The following TMEM232 variants were observed in gnomAD, a reference collection of about 807,000 sequenced individuals.
TMEM232 encodes transmembrane protein 232.
TMEM232 carries 80 observed loss-of-function variants against 78.8 expected under a neutral mutation model. The observed-to-expected ratio is 1.01, with a 90% CI of 0.85 to 1.22. The LOEUF (loss-of-function observed/expected upper bound fraction) is 1.22, where lower values mean the gene tolerates loss of function less well. Ranked by LOEUF, TMEM232 falls within the 50% of genes most tolerant of loss-of-function variation. The pLI, the probability that TMEM232 is intolerant of heterozygous loss-of-function variation, is 0.00. For synonymous variants in TMEM232, 297 were observed against 254.3 expected, an observed-to-expected ratio of 1.17 and a Z score of -1.60; for missense variants, 881 against 742.2, an observed-to-expected ratio of 1.19 and a Z score of -2.17.
At chr5:110,707,688 A>C (rs1478236262) in intron 1 of TMEM232, among the ~76,000 whole-genome samples, 5 of 152,218 alleles carry the variant, frequency 3.3e-5, no homozygotes, top group Non-Finnish European at 7.3e-5. Flanking sequence ...GGGCAGCTAA[A>C]AGGAATGCTT....
rs184855108 is a variant in TMEM232, at chr5:110,520,412, A to G, written c.1703+8176T>C. Among the ~76,000 whole-genome samples, 418 of 152,258 alleles carry G rather than the reference A, an allele frequency of 2.7e-3. 2 individuals are homozygous for G. Among genetic ancestry groups the G allele is most frequent in the African/African-American group, 9.8e-3 (408 of 41,552 alleles). On this transcript the variant is annotated intron_variant, in intron 12 of 13. Transcript: ENST00000455884. ...AACACAGAAAAAAAAGAAAACTTCC[A>G]AAGAATAACAATGATAGCAAAACGT...
chr5:110,407,425 A>T (rs1340276630), intron 2 of TMEM232, among the ~76,000 whole-genome samples: 1 of 152,186 alleles, frequency 6.6e-6, no homozygotes, highest in African/African-American at 2.4e-5. Context: ...ATGATTATAA[A>T]GAGACAAATT....
At chr5:110,425,160 C>T (rs1757099526) in intron 12 of TMEM232, among the ~76,000 whole-genome samples, 1 of 152,036 alleles carries the variant, frequency 6.6e-6, no homozygotes, top group African/African-American at 2.4e-5. Flanking sequence ...TATCCCCATA[C>T]ACAGCTCCAC....
At chr5:110,481,976 C>T (rs565742670) in intron 12 of TMEM232, among the ~76,000 whole-genome samples, 1 of 152,070 alleles carries the variant, frequency 6.6e-6, no homozygotes, top group African/African-American at 2.4e-5. Context: ...TAATAAGAAC[C>T]AAGATTTATT....
chr5:110,488,286 T>C (rs1397867072), intron 12 of TMEM232, among the ~76,000 whole-genome samples: 1 of 152,042 alleles, frequency 6.6e-6, no homozygotes, highest in African/African-American at 2.4e-5. Flanking sequence ...CAATTTTATT[T>C]ATCTTTTCAA....
rs147113442 is a variant in TMEM232 at position 110,576,406 on chromosome 5, C to T, written c.1277-7781G>A. On this transcript the variant is annotated intron_variant, in intron 10 of 13. Coordinates refer to ENST00000455884, the MANE Select transcript of TMEM232 (RefSeq NM_001039763.4). ...AAGACAATACAAACAAATGGAAAAA[C>T]ATTCCATGCTTATAGATAAGAAGAA... Among the ~76,000 whole-genome samples the T allele has an allele frequency of 5.7e-3, 862 of 152,166 alleles. 8 individuals are homozygous for T. The highest frequency in any genetic ancestry group is 0.01 in the Non-Finnish European group (691 of 67,992).
At chr5:110,414,197 A>G (rs1245015300) in intron 2 of TMEM232, among the ~76,000 whole-genome samples, 11 of 152,104 alleles carry the variant, frequency 7.2e-5, no homozygotes, top group Non-Finnish European at 7.4e-5. Flanking sequence ...TTTGTTCTTC[A>G]CTTGTCTCTA....
At chr5:110,442,813 T>C (rs558397945) in intron 12 of TMEM232, among the ~76,000 whole-genome samples, 50 of 152,258 alleles carry the variant, frequency 3.3e-4, no homozygotes, top group African/African-American at 1.1e-3. Flanking sequence ...CCAAGCCCAA[T>C]AGCACTGTGA....
intron 13 of TMEM232, among the ~76,000 whole-genome samples, chr5:110,423,803 GTGTGTGTATGTGTA>G (rs931367364): frequency 2.0e-5 from 3 of 151,748 alleles, no homozygotes; most frequent in South Asian, 4.2e-4. Context: ...GTGTGTGTGT[GTGTGTGTATGTGTA>G]TGTGTGTATG....
chr5:110,598,927 G>C (rs973846667), intron 10 of TMEM232, among the ~76,000 whole-genome samples: 4 of 149,898 alleles, frequency 2.7e-5, no homozygotes, highest in Non-Finnish European at 5.9e-5. Flanking sequence ...CGAGTTAATG[G>C]GTGCAGCACA....
At chr5:110,575,535 G>C (rs1239842833) in intron 10 of TMEM232, among the ~76,000 whole-genome samples, 2 of 152,058 alleles carry the variant, frequency 1.3e-5, no homozygotes, top group Non-Finnish European at 2.9e-5. Flanking sequence ...TGGCTGACTA[G>C]AAGCAGCTAA....
intron 3 of TMEM232, among the ~76,000 whole-genome samples, chr5:110,396,490 G>A (rs935958997): frequency 1.3e-5 from 2 of 152,172 alleles, no homozygotes; most frequent in Non-Finnish European, 2.9e-5. Flanking sequence ...TTTATACAGT[G>A]ATGAAGACAT....
intron 10 of TMEM232, among the ~76,000 whole-genome samples, chr5:110,590,053 A>G (rs1259415189): frequency 1.3e-5 from 2 of 152,164 alleles, no homozygotes. Flanking sequence ...CATAAAAGGA[A>G]TAATAAAAGT....
chr5:110,580,331 CAGTT>C (rs140181935), intron 10 of TMEM232, among the ~76,000 whole-genome samples: 2,696 of 151,752 alleles, frequency 0.018, 95 homozygotes, highest in African/African-American at 0.063. Flanking sequence ...GAGACACAAA[CAGTT>C]AGCATTGTGT....
chr5:110,461,556 C>T (rs1761532310), intron 12 of TMEM232, among the ~76,000 whole-genome samples: 1 of 152,182 alleles, frequency 6.6e-6, no homozygotes, highest in Non-Finnish European at 1.5e-5. Flanking sequence ...AAGGTGGCTA[C>T]ACTAAACAAA....
At chr5:110,592,496 A>T (rs1580281287) in intron 10 of TMEM232, among the ~76,000 whole-genome samples, 1 of 152,162 alleles carries the variant, frequency 6.6e-6, no homozygotes, top group Admixed American at 6.6e-5. Context: ...CACTTTTCAT[A>T]TATCTATCCT....
intron 11 of TMEM232, among the ~76,000 whole-genome samples, chr5:110,533,613 C>T (rs935075140): frequency 6.6e-6 from 1 of 152,146 alleles, no homozygotes; most frequent in Non-Finnish European, 1.5e-5. Flanking sequence ...TTTCTGCTCC[C>T]CGGCTCCTTC....
At chr5:110,655,791 T>C (rs998257382) in intron 2 of TMEM232, among the ~76,000 whole-genome samples, 3 of 150,758 alleles carry the variant, frequency 2.0e-5, no homozygotes, top group South Asian at 2.1e-4. Flanking sequence ...TCATTCTCAG[T>C]AAACTATCGC....
chr5:110,388,781 G>A (rs1755072944), intron 4 of TMEM232, among the ~76,000 whole-genome samples: 1 of 152,214 alleles, frequency 6.6e-6, no homozygotes, highest in Admixed American at 6.5e-5. Context: ...CTCTTAAGCA[G>A]TGATAGGTAA....
Sources: allele counts gnomAD v4.1 joint callset (sites outside exome capture counted in the v4.1 genomes callset), GRCh38; gene constraint gnomAD v4.1.1; transcripts MANE v1.5; gene names NCBI Gene and HGNC (gene_info 2026-07-23, HGNC 2026-07-21).